The following INO80 variants were observed in gnomAD, a reference collection of about 807,000 sequenced individuals.
INO80 encodes the protein INO80 complex ATPase subunit, also known as chromatin-remodeling ATPase INO80.
INO80 carries 20 observed loss-of-function variants against 203.4 expected under a neutral mutation model. The observed-to-expected ratio is 0.10, with a 90% CI of 0.07 to 0.14. The LOEUF (loss-of-function observed/expected upper bound fraction) is 0.14, where lower values mean the gene tolerates loss of function less well. Ranked by LOEUF, INO80 falls within the 10% of genes least tolerant of loss-of-function variation. The probability of loss-of-function intolerance (pLI) is 1.00; values close to 1 mark genes in which losing one functional copy is unlikely to be tolerated. For missense variants in INO80, 1,419 were observed against 1,914.4 expected (o/e 0.74, Z 4.83); for synonymous variants, 726 against 685.2 (o/e 1.06, Z -0.93).
rs547644896 is a variant in INO80 at position 41,088,092 on chromosome 15, T to C, written c.538-410A>G. Among the ~76,000 whole-genome samples, 354 of 144,232 alleles carry C rather than the reference T, an allele frequency of 2.5e-3. 1 individual carries two copies. The highest frequency in any genetic ancestry group is 8.2e-3 in the African/African-American group (318 of 38,632). The allele number at this position is 144,232 out of a possible 152,430, so 94.6% of individuals were successfully genotyped here. On this transcript the variant is annotated intron_variant, in intron 5 of 35. Transcript: ENST00000648947. ...GGTTCCTCATGCTTGCTTTTCTTTTTTTTTTTTTTTTTTTTTTGAGACAGA... is the reference window on the plus strand; with the variant it reads ...GGTTCCTCATGCTTGCTTTTCTTTTCTTTTTTTTTTTTTTTTTGAGACAGA...
chr15:41,011,639 T>G (rs1169305681), intron 27 of INO80: 4 of 152,124 alleles, frequency 2.6e-5, no homozygotes, highest in African/African-American at 4.8e-5. Flanking sequence ...GAAGGCAACT[T>G]AAGATATCAA....
At chr15:41,060,442 C>T (rs969498105) in intron 14 of INO80, among the ~76,000 whole-genome samples, 4 of 151,676 alleles carry the variant, frequency 2.6e-5, no homozygotes, top group East Asian at 1.9e-4. Context: ...AAAAATTAGC[C>T]GGGTGTGGTG....
intron 5 of INO80, among the ~76,000 whole-genome samples, chr15:41,088,904 C>T (rs2045597263): frequency 6.6e-6 from 1 of 152,174 alleles, no homozygotes. Context: ...GGCATGGTGG[C>T]TCAGCTGGGC....
chr15:41,093,364 G>A (rs1407865140), intron 4 of INO80, among the ~76,000 whole-genome samples: 2 of 152,036 alleles, frequency 1.3e-5, no homozygotes, highest in African/African-American at 4.8e-5. Flanking sequence ...GGGAGAGGTT[G>A]CAGTGAGCTG....
At chr15:41,109,142 T>G (rs182986420) in intron 1 of INO80, 1 of 152,824 alleles carries the variant, frequency 6.5e-6, no homozygotes, top group Non-Finnish European at 1.5e-5. Context: ...AAGGGCAGAT[T>G]TGATAGCTTA....
At chr15:41,032,210 G>A (rs757777163) in intron 24 of INO80, among the ~76,000 whole-genome samples, 1 of 152,142 alleles carries the variant, frequency 6.6e-6, no homozygotes, top group Non-Finnish European at 1.5e-5. Flanking sequence ...AATTAAAAAT[G>A]CTTATGTTAA....
At chr15:41,061,707 A>G (rs1468809853) in intron 14 of INO80, among the ~76,000 whole-genome samples, 1 of 151,862 alleles carries the variant, frequency 6.6e-6, no homozygotes, top group Non-Finnish European at 1.5e-5. Context: ...AAAACAAGAT[A>G]GAGAATTTCA....
At chr15:41,069,975 T>C (rs1300266197) in intron 13 of INO80, among the ~76,000 whole-genome samples, 1 of 152,246 alleles carries the variant, frequency 6.6e-6, no homozygotes, top group Admixed American at 6.5e-5. Context: ...GACAATCTTG[T>C]AGTTATTTAA....
intron 25 of INO80, among the ~76,000 whole-genome samples, chr15:41,027,375 C>A (rs542544493): frequency 6.6e-6 from 1 of 152,158 alleles, no homozygotes. Context: ...AAGAAGCTAT[C>A]GACCATACAA....
chr15:41,042,174 G>A (rs1467850382), intron 24 of INO80, among the ~76,000 whole-genome samples: 11 of 151,014 alleles, frequency 7.3e-5, no homozygotes, highest in South Asian at 2.1e-4. Flanking sequence ...CACCACACCC[G>A]GCTAATTGTT....
At chr15:41,115,407 A>T (rs1250643502) in intron 1 of INO80, among the ~76,000 whole-genome samples, 1 of 152,196 alleles carries the variant, frequency 6.6e-6, no homozygotes, top group African/African-American at 2.4e-5. Flanking sequence ...AAACCAGAAG[A>T]GGTGTCATCT....
chr15:41,031,764 G>A (rs1596275191), intron 24 of INO80, among the ~76,000 whole-genome samples: 1 of 151,946 alleles, frequency 6.6e-6, no homozygotes, highest in African/African-American at 2.4e-5. Context: ...CGGAAGCACT[G>A]GCAGATGTGT....
Position 40,983,816 on chromosome 15 carries a change from G to A in INO80, c.4183C>T (p.Arg1395Ter). Residue 1395 changes from arginine (R) to a stop codon, truncating the protein, a stop_gained, in exon 34 of 36, where the codon CGA (arginine) becomes TGA (stop). Transcript: ENST00000648947. LOFTEE classifies it high-confidence loss of function. Reference protein sequence around the residue: ...DDPASSAPQSRATNSPASITG... With the variant: ...DDPASSAPQS ...ATGGATGCGGGAGAGTTGGTAGCTC[G>A]AGACTGAGGGGCTGAGGAGGCTGGG... 6.2e-7 allele frequency: 1 copy of A among 1,612,806 alleles called. No homozygotes were observed. The highest frequency in any genetic ancestry group is 1.1e-5 in the South Asian group (1 of 91,016).
At chr15:41,012,306 C>A (rs951173174) in intron 27 of INO80, among the ~76,000 whole-genome samples, 7 of 152,140 alleles carry the variant, frequency 4.6e-5, no homozygotes, top group African/African-American at 1.7e-4. Flanking sequence ...GTGGCTCACG[C>A]CTGTAATCCC....
At chr15:41,003,329 C>CATT (rs2043989408) in intron 28 of INO80, among the ~76,000 whole-genome samples, 1 of 107,576 alleles carries the variant, frequency 9.3e-6, no homozygotes, top group Non-Finnish European at 1.9e-5. Context: ...TTTTTCTTTT[C>CATT]TTTTCTTTTT....
Position 40,983,901 on chromosome 15 carries a change from C to T in INO80, c.4098G>A (p.Leu1366=), listed in dbSNP as rs758148688. The T allele has an allele frequency of 1.9e-6, 3 of 1,613,646 alleles. No homozygotes were observed. The highest frequency in any genetic ancestry group is 1.3e-5 in the African/African-American group (1 of 75,032). ...CGTCCAGGGGAATGGAGCCAGTGTGCAGCTCACTGCTGATGGAGATCTAGA... is the reference window on the plus strand; with the variant it reads ...CGTCCAGGGGAATGGAGCCAGTGTGTAGCTCACTGCTGATGGAGATCTAGA... ...PFSEISISSE[L]HTGSIPLDES... Residue 1366 remains leucine, a synonymous_variant, in exon 34 of 36, where the codon CTG becomes CTA. Transcript: ENST00000648947.
intron 9 of INO80, 93 bp downstream of exon 9, chr15:41,079,608 C>A: frequency 2.0e-6 from 2 of 1,016,928 alleles, no homozygotes; most frequent in Non-Finnish European, 1.5e-6. Context: ...TTGACAGTGT[C>A]ATTGGTTAGA....
intron 19 of INO80, among the ~76,000 whole-genome samples, chr15:41,051,632 T>C (rs2140534072): frequency 6.6e-6 from 1 of 151,714 alleles, no homozygotes; most frequent in African/African-American, 2.4e-5. Context: ...GGCAACACAG[T>C]GAGACCCTGA....
At chr15:41,066,533 G>GA (rs200723978) in intron 14 of INO80, among the ~76,000 whole-genome samples, 79 of 148,724 alleles carry the variant, frequency 5.3e-4, no homozygotes, top group South Asian at 1.5e-3. Flanking sequence ...GGGGCACTAG[G>GA]AAAAAAAAAA....
Sources: gnomAD v4.1 joint callset for allele counts (sites outside exome capture counted in the v4.1 genomes callset) on GRCh38, gnomAD v4.1.1 for gene constraint, MANE v1.5 for transcripts, NCBI Gene and HGNC (gene_info 2026-07-23, HGNC 2026-07-21) for gene names.